The following NRG3 variants were observed in gnomAD, a reference collection of about 807,000 sequenced individuals.
NRG3 encodes pro-neuregulin-3, membrane-bound isoform.
NRG3 carries 31 observed loss-of-function variants against 66.9 expected under a neutral mutation model. The ratio of observed to expected loss-of-function variants is 0.46; its 90% CI spans 0.35 to 0.63. NRG3 has a LOEUF of 0.63. NRG3 is among the 20% of genes least tolerant of loss of function. The probability of loss-of-function intolerance (pLI) is 0.00; values close to 1 mark genes in which losing one functional copy is unlikely to be tolerated. For synonymous variants in NRG3, 393 were observed against 359.4 expected, an observed-to-expected ratio of 1.09 and a Z score of -1.06; for missense variants, 910 against 878.9, an observed-to-expected ratio of 1.04 and a Z score of -0.45.
chr10:82,882,756 G>C (rs1842412248), intron 4 of NRG3, among the ~76,000 whole-genome samples: 1 of 152,128 alleles, frequency 6.6e-6, no homozygotes, highest in African/African-American at 2.4e-5. Context: ...TGGCTAGTTT[G>C]TGTAGGACTT....
intron 3 of NRG3, among the ~76,000 whole-genome samples, chr10:82,827,429 GT>G: frequency 6.6e-6 from 1 of 152,204 alleles, no homozygotes; most frequent in East Asian, 1.9e-4. Context: ...TGATGAGCAG[GT>G]AGTACTTCCT....
At chr10:82,393,369 G>A (rs1240318670) in intron 2 of NRG3, among the ~76,000 whole-genome samples, 1 of 152,146 alleles carries the variant, frequency 6.6e-6, no homozygotes, top group Non-Finnish European at 1.5e-5. Context: ...ATGGGGTCCA[G>A]GAAGGAGCCC....
intron 2 of NRG3, among the ~76,000 whole-genome samples, chr10:82,445,679 TAC>T (rs1170095219): frequency 2.0e-5 from 3 of 152,190 alleles, no homozygotes; most frequent in African/African-American, 7.2e-5. Flanking sequence ...ACTGATTCTA[TAC>T]CCTAAACATG....
At chr10:82,090,306 T>C (rs968749835) in intron 1 of NRG3, among the ~76,000 whole-genome samples, 9 of 152,214 alleles carry the variant, frequency 5.9e-5, no homozygotes, top group African/African-American at 2.2e-4. Flanking sequence ...ATATCTTGAA[T>C]TAGAGTACAC....
chr10:82,187,545 A>G (rs2073878878), intron 1 of NRG3, among the ~76,000 whole-genome samples: 1 of 152,202 alleles, frequency 6.6e-6, no homozygotes, highest in African/African-American at 2.4e-5. Context: ...TTTAATTTAG[A>G]GTGAGAAGGA....
At chr10:82,307,273 G>A (rs2080794356) in intron 1 of NRG3, among the ~76,000 whole-genome samples, 1 of 151,984 alleles carries the variant, frequency 6.6e-6, no homozygotes, top group African/African-American at 2.4e-5. Flanking sequence ...ATATTTTTAA[G>A]TCCTTTTATT....
At chr10:82,643,245 G>T (rs1185382483) in intron 2 of NRG3, among the ~76,000 whole-genome samples, 3 of 152,032 alleles carry the variant, frequency 2.0e-5, no homozygotes, top group African/African-American at 7.3e-5. Context: ...CAGGGCCAGG[G>T]GGGTGGTTTC....
intron 2 of NRG3, among the ~76,000 whole-genome samples, chr10:82,451,236 C>G (rs1174443072): frequency 1.3e-5 from 2 of 152,062 alleles, no homozygotes; most frequent in African/African-American, 4.8e-5. Context: ...ATCTAGATGA[C>G]TCAAATTAGC....
At chr10:82,085,931 C>G (rs1439637104) in intron 1 of NRG3, among the ~76,000 whole-genome samples, 2 of 152,128 alleles carry the variant, frequency 1.3e-5, no homozygotes, top group Non-Finnish European at 2.9e-5. Context: ...AGCCACCGCT[C>G]CTGACCATCC....
At position 82,946,278 on chromosome 10, in the gene NRG3, C is replaced by T. The variant is rs115364154; in HGVS notation, c.1055-5191C>T. 4.0e-3 allele frequency among the ~76,000 whole-genome samples: 600 copies of T among 150,658 alleles called. 1 individual carries two copies. Among genetic ancestry groups the T allele is most frequent in the African/African-American group, 0.014 (555 of 40,988 alleles). On this transcript the variant is annotated intron_variant, in intron 4 of 8. Transcript: ENST00000372141. ...GCAGAAGGCGTGGAGCATTGGCTCGCGCCTGTAATCCCAGCACTTTGGAAG... is the reference window on the plus strand; with the variant it reads ...GCAGAAGGCGTGGAGCATTGGCTCGTGCCTGTAATCCCAGCACTTTGGAAG...
At chr10:82,484,191 C>T (rs926930285) in intron 2 of NRG3, among the ~76,000 whole-genome samples, 32 of 152,138 alleles carry the variant, frequency 2.1e-4, no homozygotes, top group Non-Finnish European at 4.1e-4. Flanking sequence ...AGTGAATGAG[C>T]CAAATCCCTG....
intron 2 of NRG3, among the ~76,000 whole-genome samples, chr10:82,594,254 A>G (rs757960176): frequency 1.3e-5 from 2 of 152,218 alleles, no homozygotes; most frequent in East Asian, 3.8e-4. Flanking sequence ...ATCTTTCTGC[A>G]TATAAGAAAA....
intron 1 of NRG3, among the ~76,000 whole-genome samples, chr10:82,229,932 A>C (rs966039157): frequency 2.0e-5 from 3 of 152,230 alleles, no homozygotes; most frequent in Non-Finnish European, 4.4e-5. Context: ...AAAATGAAAC[A>C]AAATAAATTA....
intron 1 of NRG3, among the ~76,000 whole-genome samples, chr10:82,320,353 G>A (rs1262139724): frequency 6.6e-6 from 1 of 152,084 alleles, no homozygotes; most frequent in Non-Finnish European, 1.5e-5. Context: ...GAATTGGTGT[G>A]GAAGAGGAGA....
At chr10:82,575,499 G>A (rs2045975012) in intron 2 of NRG3, among the ~76,000 whole-genome samples, 1 of 151,686 alleles carries the variant, frequency 6.6e-6, no homozygotes, top group Non-Finnish European at 1.5e-5. Flanking sequence ...GTGAAATGAA[G>A]TCCATGTGGA....
At chr10:82,797,177 A>T (rs1452208117) in intron 3 of NRG3, among the ~76,000 whole-genome samples, 1 of 152,124 alleles carries the variant, frequency 6.6e-6, no homozygotes, top group African/African-American at 2.4e-5. Context: ...ACTCTGGAAG[A>T]TGTTAGTCCT....
chr10:82,649,833 T>C (rs779855084), intron 2 of NRG3, among the ~76,000 whole-genome samples: 75 of 152,244 alleles, frequency 4.9e-4, no homozygotes, highest in Non-Finnish European at 9.0e-4. Context: ...AAGTTAAGTC[T>C]CTTAGTGGTG....
At chr10:82,492,824 G>A (rs922949978) in intron 2 of NRG3, among the ~76,000 whole-genome samples, 3 of 152,156 alleles carry the variant, frequency 2.0e-5, no homozygotes, top group Admixed American at 6.5e-5. Context: ...TATCACAAAG[G>A]TCAGTGATCT....
intron 2 of NRG3, among the ~76,000 whole-genome samples, chr10:82,594,512 T>G (rs1433760228): frequency 6.6e-6 from 1 of 152,146 alleles, no homozygotes; most frequent in African/African-American, 2.4e-5. Context: ...AAAACAAATA[T>G]TTAAATATCT....
Sources: allele counts gnomAD v4.1 joint callset (sites outside exome capture counted in the v4.1 genomes callset), GRCh38; gene constraint gnomAD v4.1.1; transcripts MANE v1.5; gene names NCBI Gene and HGNC (gene_info 2026-07-23, HGNC 2026-07-21).